The following PARD3B variants were observed in gnomAD, a reference collection of about 807,000 sequenced individuals.
PARD3B encodes par-3 family cell polarity regulator beta.
PARD3B carries 103 observed loss-of-function variants against 130.2 expected under a neutral mutation model. The ratio of observed to expected loss-of-function variants is 0.79; its 90% CI spans 0.67 to 0.93. PARD3B has a LOEUF of 0.93. PARD3B is among the 40% of genes least tolerant of loss of function. The probability of loss-of-function intolerance (pLI) is 0.00; values close to 1 mark genes in which losing one functional copy is unlikely to be tolerated. For missense variants in PARD3B, 1,609 were observed against 1,499.2 expected, an observed-to-expected ratio of 1.07 and a Z score of -1.21; for synonymous variants, 583 against 553.2, an observed-to-expected ratio of 1.05 and a Z score of -0.76.
rs930173258 is a variant in PARD3B at position 204,788,437 on chromosome 2, G to A, written c.222+102155G>A. Among the ~76,000 whole-genome samples the A allele has an allele frequency of 3.3e-5, 5 of 152,346 alleles. No individual in the cohort carries two copies. In the East Asian group the frequency reaches 9.6e-4, roughly 29 times the overall value. ...CTCTGTGGATAATTTTGTCATTCAC[G>A]TAGCAGAGTTCTTAATCAGACCTAA... On this transcript the variant is annotated intron_variant, in intron 2 of 22. Coordinates refer to ENST00000406610, the MANE Select transcript of PARD3B (RefSeq NM_001302769.2).
chr2:204,570,010 A>G (rs1000116117), intron 1 of PARD3B, among the ~76,000 whole-genome samples: 2 of 152,176 alleles, frequency 1.3e-5, no homozygotes, highest in Non-Finnish European at 2.9e-5. Context: ...CAAAATTTAT[A>G]ACGGGGCTAC....
In PARD3B at chr2:205,461,670, G is replaced by A. The variant is rs138797319; in HGVS notation, c.3044+20998G>A. Among the ~76,000 whole-genome samples, 22 of 152,246 alleles carry A rather than the reference G, an allele frequency of 1.4e-4. No individual in the cohort carries two copies. In the East Asian group the frequency reaches 3.3e-3, roughly 23 times the overall value. On this transcript the variant is annotated intron_variant, in intron 20 of 22. Coordinates refer to ENST00000406610, the MANE Select transcript of PARD3B (RefSeq NM_001302769.2). This position sits in a 1 kb window ranked among gnomAD's most constrained non-coding sequence, Gnocchi z 4.3. ...GATAATTGTTCTCAAATTTGAGCAC[G>A]CATCAGAATCACCTGGAGAACTTGT...
intron 2 of PARD3B, among the ~76,000 whole-genome samples, chr2:204,859,625 G>A (rs950869776): frequency 6.6e-6 from 1 of 152,142 alleles, no homozygotes; most frequent in African/African-American, 2.4e-5. Flanking sequence ...TTTAATTTTG[G>A]TGCTAGTATA....
chr2:204,945,310 G>A (rs1279078042), intron 2 of PARD3B, among the ~76,000 whole-genome samples: 2 of 152,278 alleles, frequency 1.3e-5, no homozygotes, highest in Admixed American at 1.3e-4. Context: ...ATTGGTTCAG[G>A]TCCGGGAGAT....
intron 16 of PARD3B, among the ~76,000 whole-genome samples, chr2:205,283,566 T>G (rs931120310): frequency 5.9e-5 from 9 of 152,234 alleles, no homozygotes; most frequent in Admixed American, 1.3e-4. Context: ...GCATAATGTT[T>G]AGTCTTTTCT....
chr2:204,599,674 A>G (rs2033431459), intron 1 of PARD3B, among the ~76,000 whole-genome samples: 2 of 151,756 alleles, frequency 1.3e-5, no homozygotes, highest in Non-Finnish European at 3.0e-5. Context: ...TCTTTGATAC[A>G]CTGATTTCCT....
chr2:205,175,709 T>G (rs1426399078), intron 12 of PARD3B, among the ~76,000 whole-genome samples: 4 of 152,188 alleles, frequency 2.6e-5, no homozygotes, highest in Non-Finnish European at 4.4e-5. Context: ...ATACCCTAAT[T>G]CTCTTTGCTC....
chr2:204,550,954 G>GA (rs2030412692), intron 1 of PARD3B, among the ~76,000 whole-genome samples: 1 of 152,182 alleles, frequency 6.6e-6, no homozygotes, highest in African/African-American at 2.4e-5. Context: ...GCCCAGACTG[G>GA]ATTCCTCAAA....
At chr2:204,997,877 A>C (rs1238248820) in intron 3 of PARD3B, among the ~76,000 whole-genome samples, 1 of 149,244 alleles carries the variant, frequency 6.7e-6, no homozygotes, top group Non-Finnish European at 1.5e-5. Flanking sequence ...CACATCTTTA[A>C]ATATTATAAA....
At chr2:204,587,426 G>T (rs189358785) in intron 1 of PARD3B, among the ~76,000 whole-genome samples, 1 of 152,088 alleles carries the variant, frequency 6.6e-6, no homozygotes. Context: ...AATTGTCCAC[G>T]GATAAATGGA....
chr2:205,270,107 C>T (rs1488406956), intron 16 of PARD3B, among the ~76,000 whole-genome samples: 1 of 151,818 alleles, frequency 6.6e-6, no homozygotes, highest in Non-Finnish European at 1.5e-5. Context: ...TCTCATGTAC[C>T]CCACAAATAT....
At chr2:204,861,194 C>CTCTCTG (rs2045178063) in intron 2 of PARD3B, among the ~76,000 whole-genome samples, 8 of 146,450 alleles carry the variant, frequency 5.5e-5, no homozygotes, top group Admixed American at 4.7e-4. Context: ...CTCTCTCTCT[C>CTCTCTG]TCTCTCTCTC....
rs1352391141 is a variant in PARD3B, at chr2:205,054,426, ATATATATATATTTTTTTT to A, written c.504+6738_504+6755del. 5.2e-3 allele frequency among the ~76,000 whole-genome samples: 125 copies of A among 23,816 alleles called. 4 individuals are homozygous for A. Among genetic ancestry groups the A allele is most frequent in the African/African-American group, 0.017 (118 of 7,040 alleles). The allele number at this position is 23,816 out of a possible 152,430, so 15.6% of individuals were successfully genotyped here. On this transcript the variant is annotated intron_variant, in intron 4 of 22. Transcript: ENST00000406610. ...CTTTTATATATATATATATATATATATATATATATATTTTTTTTTTTTTTTTTTTTTAATTATACTCTA... is the reference window on the plus strand; with the variant it reads ...CTTTTATATATATATATATATATATATTTTTTTTTTTTTAATTATACTCTA...
At chr2:205,466,617 G>A (rs1312149243) in intron 20 of PARD3B, among the ~76,000 whole-genome samples, 1 of 152,202 alleles carries the variant, frequency 6.6e-6, no homozygotes, top group African/African-American at 2.4e-5. Context: ...TCACTTAAGA[G>A]TTTCAATGGC....
At chr2:205,143,002 A>G (rs912572676) in intron 10 of PARD3B, among the ~76,000 whole-genome samples, 34 of 152,314 alleles carry the variant, frequency 2.2e-4, no homozygotes, top group Non-Finnish European at 8.8e-5. Context: ...AGAAGGGCAT[A>G]TTGTTCCTGT....
chr2:204,564,925 C>T (rs2031577540), intron 1 of PARD3B, among the ~76,000 whole-genome samples: 1 of 152,162 alleles, frequency 6.6e-6, no homozygotes, highest in Non-Finnish European at 1.5e-5. Context: ...TATTATATCA[C>T]AGTTTCTATG....
intron 16 of PARD3B, among the ~76,000 whole-genome samples, chr2:205,272,661 C>T (rs1449944535): frequency 2.0e-5 from 3 of 152,138 alleles, no homozygotes; most frequent in South Asian, 2.1e-4. Flanking sequence ...CCATCCATAC[C>T]GTGTAGCTTC....
chr2:204,588,078 C>A (rs2032911553), intron 1 of PARD3B, among the ~76,000 whole-genome samples: 1 of 152,076 alleles, frequency 6.6e-6, no homozygotes, highest in South Asian at 2.1e-4. Flanking sequence ...GGAGGGCGTG[C>A]ATTAGAATTG....
intron 2 of PARD3B, among the ~76,000 whole-genome samples, chr2:204,936,790 G>T (rs1204946921): frequency 3.3e-5 from 5 of 152,192 alleles, no homozygotes; most frequent in African/African-American, 1.2e-4. Flanking sequence ...GGTCTTATCA[G>T]AAAGGTACAT....
Sources: allele counts gnomAD v4.1 joint callset (sites outside exome capture counted in the v4.1 genomes callset), GRCh38; gene constraint gnomAD v4.1.1; non-coding constraint Gnocchi (gnomAD v3.1); transcripts MANE v1.5; gene names NCBI Gene and HGNC (gene_info 2026-07-23, HGNC 2026-07-21).